DAB2IP: variants seen among roughly 807,000 people sequenced by gnomAD.
The protein encoded by DAB2IP is disabled homolog 2-interacting protein.
A neutral mutation model predicts 107.2 loss-of-function variants in DAB2IP; 28 were observed. The observed-to-expected ratio is 0.26, with a 90% CI of 0.19 to 0.36. The LOEUF (loss-of-function observed/expected upper bound fraction) is 0.36. Ranked by LOEUF, DAB2IP falls within the 10% of genes least tolerant of loss-of-function variation. DAB2IP has a pLI of 1.00. For missense variants in DAB2IP, 1,400 were observed against 1,644.7 expected, an observed-to-expected ratio of 0.85 and a Z score of 2.57; for synonymous variants, 755 against 706.4, an observed-to-expected ratio of 1.07 and a Z score of -1.09.
chr9:121,584,394 C>A (rs1027820205), intron 1 of DAB2IP, among the ~76,000 whole-genome samples: 1 of 151,190 alleles, frequency 6.6e-6, no homozygotes, highest in Non-Finnish European at 1.5e-5. Flanking sequence ...GGCAACAGAG[C>A]AAGACCCTGT....
At chr9:121,660,183 G>C (rs1004232405) in intron 1 of DAB2IP, among the ~76,000 whole-genome samples, 2 of 152,128 alleles carry the variant, frequency 1.3e-5, no homozygotes, top group Non-Finnish European at 2.9e-5. Flanking sequence ...TCCATGTCTT[G>C]AGCACTTACA....
At chr9:121,754,449 C>G (rs932753962) in intron 3 of DAB2IP, among the ~76,000 whole-genome samples, 4 of 152,290 alleles carry the variant, frequency 2.6e-5, no homozygotes, top group East Asian at 3.9e-4. Context: ...CTGCCCTGCC[C>G]CTATTCCTCT....
At chr9:121,678,625 C>G in intron 1 of DAB2IP, 53 bp from the exon 2 acceptor site, 2 of 1,393,094 alleles carry the variant, frequency 1.4e-6, no homozygotes, top group Non-Finnish European at 1.9e-6. Context: ...GAGGCCCTAG[C>G]TGTGTGGCCT....
intron 1 of DAB2IP, among the ~76,000 whole-genome samples, chr9:121,641,174 T>C (rs56303210): frequency 4.6e-5 from 7 of 152,350 alleles, no homozygotes; most frequent in Non-Finnish European, 8.8e-5. Context: ...GCAGAAATTA[T>C]AGGGGCCCAA....
intron 1 of DAB2IP, among the ~76,000 whole-genome samples, chr9:121,631,188 TG>T (rs1341394300): frequency 1.3e-5 from 2 of 152,200 alleles, no homozygotes; most frequent in Non-Finnish European, 2.9e-5. Flanking sequence ...AAGGAGCTCC[TG>T]GCCTGGTTGC....
Position 121,678,674 on chromosome 9 carries a change from G to A in DAB2IP, c.125-4G>A, listed in dbSNP as rs770484860. The A allele has an allele frequency of 1.3e-6, 2 of 1,545,140 alleles. No homozygotes were observed. The highest frequency in any genetic ancestry group is 1.2e-5 in the South Asian group (1 of 83,036). On this transcript the variant is annotated splice_polypyrimidine_tract_variant and splice_region_variant and intron_variant, in intron 1 of 15. Transcript: ENST00000408936. ...TCAACCTCTCTCTCCTCCTCTGTTG[G>A]CAGAGTCGCCTCAAGAAAGGCCGGG... is the stretch of plus-strand genomic sequence containing the variant.
chr9:121,770,242 G>A (rs1164110964), intron 10 of DAB2IP, among the ~76,000 whole-genome samples: 2 of 152,244 alleles, frequency 1.3e-5, no homozygotes, highest in East Asian at 1.9e-4. Context: ...TTCCATGTGT[G>A]CTTTCCTCTC....
intron 4 of DAB2IP, among the ~76,000 whole-genome samples, chr9:121,757,693 G>C (rs968276731): frequency 6.6e-5 from 10 of 152,232 alleles, no homozygotes; most frequent in Admixed American, 6.5e-4. Flanking sequence ...CTGAGGCCCA[G>C]AGAAGGCACA....
chr9:121,603,304 C>T (rs936596877), intron 1 of DAB2IP, among the ~76,000 whole-genome samples: 1 of 152,218 alleles, frequency 6.6e-6, no homozygotes, highest in Non-Finnish European at 1.5e-5. Flanking sequence ...AGGAGAGATA[C>T]AGGGTGGAGG....
At chr9:121,761,707 C>CCCAGCCTTCAGACTTGGCTGGCTA (rs1375558840) in intron 6 of DAB2IP, among the ~76,000 whole-genome samples, 1 of 152,218 alleles carries the variant, frequency 6.6e-6, no homozygotes, top group Non-Finnish European at 1.5e-5. Flanking sequence ...CACCTTCTCC[C>CCCAGCCTTCAGACTTGGCTGGCTA]CCAGCCTTCA....
rs1451529769 is a variant in DAB2IP at position 121,651,622 on chromosome 9, A to T, written c.-154A>T. ...AGCGGGAGGGGGCAGGAGGCGGAGG[A>T]GGAGTTTGAGCGACTTTGTGGGGCA... On this transcript the variant is annotated 5_prime_UTR_variant, in exon 1 of 16. Coordinates refer to ENST00000408936, the Ensembl canonical transcript of DAB2IP. The surrounding 1 kb of genome is among the most constrained non-coding windows in gnomAD (Gnocchi z 5.1). The T allele has an allele frequency of 4.8e-6, 5 of 1,039,716 alleles. No homozygotes were observed. Among genetic ancestry groups the T allele is most frequent in the African/African-American group, 1.7e-5 (1 of 58,514 alleles). 64.4% of individuals were successfully genotyped at this position (1,039,716 alleles called of 1,614,324 possible).
intron 1 of DAB2IP, among the ~76,000 whole-genome samples, chr9:121,664,143 A>G (rs1295187044): frequency 2.6e-5 from 4 of 152,364 alleles, no homozygotes; most frequent in African/African-American, 9.6e-5. Context: ...TGAAAAACAT[A>G]TCTTTTCCAG....
intron 1 of DAB2IP, among the ~76,000 whole-genome samples, chr9:121,627,601 C>T (rs11998856): frequency 6.6e-5 from 10 of 151,990 alleles, no homozygotes; most frequent in Non-Finnish European, 1.0e-4. Context: ...ATGTGAGAGT[C>T]GGTGGGTCAT....
At chr9:121,632,406 C>T (rs1235311178) in intron 1 of DAB2IP, among the ~76,000 whole-genome samples, 2 of 152,134 alleles carry the variant, frequency 1.3e-5, no homozygotes, top group East Asian at 1.9e-4. Context: ...CAGGGACAAA[C>T]GCGGCCAAGT....
At chr9:121,604,823 A>G (rs1000384908) in intron 1 of DAB2IP, among the ~76,000 whole-genome samples, 2 of 152,096 alleles carry the variant, frequency 1.3e-5, no homozygotes, top group African/African-American at 2.4e-5. Context: ...AAAGCTTTGT[A>G]GAGTTGGACT....
At chr9:121,641,186 C>A (rs960132201) in intron 1 of DAB2IP, among the ~76,000 whole-genome samples, 10 of 152,208 alleles carry the variant, frequency 6.6e-5, no homozygotes, top group East Asian at 1.9e-4. Flanking sequence ...GGGGCCCAAC[C>A]CTTCCTTGTT....
At chr9:121,667,900 G>A (rs1182842506) in intron 1 of DAB2IP, among the ~76,000 whole-genome samples, 2 of 152,156 alleles carry the variant, frequency 1.3e-5, no homozygotes, top group Admixed American at 1.3e-4. Flanking sequence ...TTGGATTTAC[G>A]GTTCCATGTG....
At chr9:121,646,759 G>C (rs772523043), upstream of DAB2IP, among the ~76,000 whole-genome samples, 8 of 152,010 alleles carry the variant, frequency 5.3e-5, no homozygotes, top group South Asian at 1.2e-3. Context: ...CCTTGACAAA[G>C]CTGGCTATTA....
At chr9:121,660,650 G>A (rs1833160770) in intron 1 of DAB2IP, among the ~76,000 whole-genome samples, 1 of 152,194 alleles carries the variant, frequency 6.6e-6, no homozygotes, top group South Asian at 2.1e-4. Flanking sequence ...GCGGTGAAAT[G>A]AGGACTGTAA....
Sources: gnomAD v4.1 joint callset for allele counts (sites outside exome capture counted in the v4.1 genomes callset) on GRCh38, gnomAD v4.1.1 for gene constraint, Gnocchi (gnomAD v3.1) non-coding constraint, MANE v1.5 for transcripts, NCBI Gene and HGNC (gene_info 2026-07-23, HGNC 2026-07-21) for gene names.